Variants in EGFR observed in about 807,000 individuals in gnomAD.
EGFR encodes the protein epidermal growth factor receptor.
Under a neutral mutation model 143.0 loss-of-function variants are expected in EGFR, and 58 were observed. The observed-to-expected ratio is 0.41, with a 90% confidence interval of 0.33 to 0.50. The LOEUF (loss-of-function observed/expected upper bound fraction) is 0.50. Ranked by LOEUF, EGFR falls within the 20% of genes least tolerant of loss-of-function variation. EGFR has a pLI of 0.39. For missense variants in EGFR, 1,307 were observed against 1,579.0 expected, an observed-to-expected ratio of 0.83 and a Z score of 2.92; for synonymous variants, 613 against 594.4, an observed-to-expected ratio of 1.03 and a Z score of -0.45.
At chr7:55,149,365 T>TCA (rs139216717) in intron 4 of EGFR, among the ~76,000 whole-genome samples, 2,918 of 151,386 alleles carry the variant, frequency 0.019, 102 homozygotes, top group African/African-American at 0.068. Flanking sequence ...TCTCTTTCTG[T>TCA]CACACACACA....
In EGFR at chr7:55,091,889, CA is replaced by C. The variant is rs1233215171; in HGVS notation, c.89-50396del. On this transcript the variant is annotated intron_variant, in intron 1 of 27. Coordinates refer to ENST00000275493, the MANE Select transcript of EGFR (RefSeq NM_005228.5). ...ACACACACACACACACACACACACA[CA>C]CCCTGAGAGAGAGAAAGAGAGAGAG... Among the ~76,000 whole-genome samples, 294 of 99,274 alleles carry C rather than the reference CA, an allele frequency of 3.0e-3. 2 individuals carry two copies. The highest frequency in any genetic ancestry group is 0.012 in the African/African-American group (272 of 22,950). 65.1% of individuals were successfully genotyped at this position (99,274 alleles called of 152,430 possible). A position where few individuals can be genotyped will look rare whatever the true frequency, so the allele number is the denominator to read the frequency against.
chr7:55,200,907 G>T (rs1434529390), intron 24 of EGFR: 4 of 541,134 alleles, frequency 7.4e-6, no homozygotes, highest in Non-Finnish European at 1.3e-5. Context: ...GTGCACACTC[G>T]ATGAATGCTG....
chr7:55,166,078 G>C (rs1336441907), intron 15 of EGFR, among the ~76,000 whole-genome samples: 1 of 152,072 alleles, frequency 6.6e-6, no homozygotes, highest in African/African-American at 2.4e-5. Context: ...TTGAACCCGG[G>C]AGGCAGAGGT....
intron 1 of EGFR, among the ~76,000 whole-genome samples, chr7:55,119,586 T>C (rs998934510): frequency 6.6e-6 from 1 of 152,248 alleles, no homozygotes; most frequent in South Asian, 2.1e-4. Flanking sequence ...CTACTGAAAC[T>C]GATCTAGGAA....
intron 1 of EGFR, among the ~76,000 whole-genome samples, 157 bp from the exon 2 acceptor site, chr7:55,142,129 G>A (rs1183235889): frequency 6.6e-6 from 1 of 152,216 alleles, no homozygotes. Context: ...AAGTTAGTAA[G>A]CTTTGCGCCC....
Position 55,159,691 on chromosome 7 carries a change from T to C in EGFR, c.1299-448T>C, listed in dbSNP as rs41445246. On this transcript the variant is annotated intron_variant, in intron 11 of 27. Coordinates refer to ENST00000275493, the MANE Select transcript of EGFR (RefSeq NM_005228.5). ...AGCGTCCTGGAGAGGAGGAAACATA[T>C]TTAACCTGCACAGAATTTGGGACAG... 2.8e-3 allele frequency among the ~76,000 whole-genome samples: 425 copies of C among 152,304 alleles called. 2 individuals are homozygous for C. The highest frequency in any genetic ancestry group is 0.024 in the Middle Eastern group (7 of 294).
chr7:55,159,563 G>T (rs1277903053), intron 11 of EGFR, among the ~76,000 whole-genome samples: 1 of 152,198 alleles, frequency 6.6e-6, no homozygotes, highest in East Asian at 1.9e-4. Flanking sequence ...TCCCAGACCT[G>T]GTCAGAGGCC....
rs34058394 is a variant in EGFR at position 55,116,536 on chromosome 7, TACACACAC to T, written c.89-25736_89-25729del. Reference sequence around the variant, plus strand: ...TATAACTAAATTCAAAAAAAACACATACACACACACACACACACACAAGTCAAAGGTGT... The same window carrying T: ...TATAACTAAATTCAAAAAAAACACATACACACACACACAAGTCAAAGGTGT... On this transcript the variant is annotated intron_variant, in intron 1 of 27. Transcript: ENST00000275493. Among the ~76,000 whole-genome samples the T allele has an allele frequency of 2.0e-5, 3 of 150,220 alleles. No individual in the cohort carries two copies. The South Asian group carries it at 6.3e-4, about 32-fold the overall frequency.
At chr7:55,143,550 C>T (rs1204481372) in intron 3 of EGFR, 62 bp downstream of exon 3, 3 of 1,582,320 alleles carry the variant, frequency 1.9e-6, no homozygotes, top group Non-Finnish European at 2.6e-6. Context: ...CCGATGGCTC[C>T]CAGCGAGCTT....
chr7:55,128,497 TAAGAG>T (rs1793655989), intron 1 of EGFR, among the ~76,000 whole-genome samples: 1 of 152,084 alleles, frequency 6.6e-6, no homozygotes, highest in South Asian at 2.1e-4. Context: ...AAAGAAAACC[TAAGAG>T]AAAAGTTGAA....
intron 1 of EGFR, among the ~76,000 whole-genome samples, chr7:55,101,617 C>A (rs1791832319): frequency 6.6e-6 from 1 of 152,228 alleles, no homozygotes; most frequent in Non-Finnish European, 1.5e-5. Context: ...GGCTGCTGCC[C>A]TGACCTGTCC....
At chr7:55,093,944 G>A (rs73342762) in intron 1 of EGFR, among the ~76,000 whole-genome samples, 2,864 of 152,208 alleles carry the variant, frequency 0.019, 97 homozygotes, top group African/African-American at 0.065. Context: ...AATTGGCCTC[G>A]TAAAGCATCA....
At chr7:55,154,218 G>A (rs1432197430) in intron 7 of EGFR, 66 bp downstream of exon 7, 1 of 1,610,816 alleles carries the variant, frequency 6.2e-7, no homozygotes, top group Non-Finnish European at 8.5e-7. Flanking sequence ...CTCCTGCTGA[G>A]CCCTGGAGTA....
intron 1 of EGFR, 146 bp downstream of exon 1, chr7:55,019,511 G>A: frequency 3.0e-6 from 1 of 333,244 alleles, no homozygotes; most frequent in Non-Finnish European, 4.8e-6. Flanking sequence ...CTGCGCCGCC[G>A]ACCGGGACCG....
At chr7:55,202,197 T>C (rs1787879814) in intron 26 of EGFR, among the ~76,000 whole-genome samples, 1 of 152,192 alleles carries the variant, frequency 6.6e-6, no homozygotes, top group Non-Finnish European at 1.5e-5. Flanking sequence ...TAAAATGAAA[T>C]AAAATATAAA....
At chr7:55,089,503 T>C (rs952629715) in intron 1 of EGFR, among the ~76,000 whole-genome samples, 1 of 152,262 alleles carries the variant, frequency 6.6e-6, no homozygotes, top group Non-Finnish European at 1.5e-5. Context: ...TTCTGAACTA[T>C]TTTAAGGCCA....
intron 19 of EGFR, chr7:55,180,811 G>T: frequency 5.2e-6 from 1 of 192,542 alleles, no homozygotes; most frequent in African/African-American, 2.3e-5. Context: ...CTTCTCCATC[G>T]CTTGTCCTCT....
chr7:55,092,602 T>A (rs1414605275), intron 1 of EGFR, among the ~76,000 whole-genome samples: 2 of 152,258 alleles, frequency 1.3e-5, no homozygotes, highest in Non-Finnish European at 2.9e-5. Context: ...TTAAGACAGT[T>A]TTTGAAGAAA....
At chr7:55,168,522 G>A (rs1296307308) in intron 15 of EGFR, 4 of 1,555,844 alleles carry the variant, frequency 2.6e-6, no homozygotes, top group Non-Finnish European at 3.5e-6. Context: ...TTTTTTCCCA[G>A]GTCCTAATAA....
Sources: gnomAD v4.1 joint callset for allele counts (sites outside exome capture counted in the v4.1 genomes callset) on GRCh38, gnomAD v4.1.1 for gene constraint, MANE v1.5 for transcripts, NCBI Gene and HGNC (gene_info 2026-07-23, HGNC 2026-07-21) for gene names.